PELI2: variants seen among roughly 807,000 people sequenced by gnomAD.
PELI2 encodes the protein E3 ubiquitin-protein ligase pellino homolog 2.
In PELI2, 23 loss-of-function variants were observed where a neutral mutation model predicts 42.3. That is an observed-to-expected ratio of 0.54 (90% confidence interval 0.39 to 0.77). The LOEUF is 0.77. Ranked by LOEUF, PELI2 falls within the 30% of genes least tolerant of loss-of-function variation. The pLI, the probability that PELI2 is intolerant of heterozygous loss-of-function variation, is 0.00. For synonymous variants in PELI2, 245 were observed against 212.2 expected, an observed-to-expected ratio of 1.15 and a Z score of -1.34; for missense variants, 463 against 553.2, an observed-to-expected ratio of 0.84 and a Z score of 1.64.
At chr14:56,126,577 A>G (rs995594970) in intron 1 of PELI2, among the ~76,000 whole-genome samples, 1 of 152,198 alleles carries the variant, frequency 6.6e-6, no homozygotes, top group Admixed American at 6.5e-5. Context: ...GGCTATTGGT[A>G]TAAAACGGCT....
Position 56,295,885 on chromosome 14 carries a change from G to A in PELI2, c.697-715G>A, listed in dbSNP as rs374978357. Among the ~76,000 whole-genome samples the A allele has an allele frequency of 8.5e-5, 13 of 152,242 alleles. No homozygotes were observed. In the East Asian group the frequency reaches 2.5e-3, roughly 29 times the overall value. ...TGAAGAGCAAGTCTCAGCAGGATGG[G>A]GAAGAGGTTTTATTGGCCTTTGGTA... is the stretch of plus-strand genomic sequence containing the variant. On this transcript the variant is annotated intron_variant, in intron 5 of 5. Transcript: ENST00000267460.
chr14:56,266,560 A>T (rs1465617963), intron 2 of PELI2, among the ~76,000 whole-genome samples: 1 of 152,054 alleles, frequency 6.6e-6, no homozygotes, highest in African/African-American at 2.4e-5. Flanking sequence ...ATCAGAAGGT[A>T]AAGATATCTG....
At chr14:56,209,924 A>G (rs936178170) in intron 2 of PELI2, among the ~76,000 whole-genome samples, 10 of 152,246 alleles carry the variant, frequency 6.6e-5, no homozygotes, top group South Asian at 2.1e-4. Flanking sequence ...AATTTGTACC[A>G]GGTGAAAGGA....
At chr14:56,290,728 C>T (rs1423049523) in intron 5 of PELI2, among the ~76,000 whole-genome samples, 1 of 152,110 alleles carries the variant, frequency 6.6e-6, no homozygotes, top group Non-Finnish European at 1.5e-5. Context: ...TACCTCACCA[C>T]AAAAATCTAC....
chr14:56,190,339 G>A (rs998143036), intron 2 of PELI2, among the ~76,000 whole-genome samples: 2 of 152,176 alleles, frequency 1.3e-5, no homozygotes, highest in Admixed American at 1.3e-4. Context: ...TTAAAATGCA[G>A]AAGAATGAGA....
Position 56,288,906 on chromosome 14 carries a change from A to G in PELI2, c.507+272A>G, listed in dbSNP as rs1889732833. On this transcript the variant is annotated intron_variant, in intron 4 of 5. Transcript: ENST00000267460. This position sits in a 1 kb window ranked among gnomAD's most constrained non-coding sequence, Gnocchi z 4.6. ...CTATAACATTGTCCATAATGTATTT[A>G]CGGCAACGAAGAGGTTTATTTCAGA... Among the ~76,000 whole-genome samples, 1 of 152,218 alleles carries G rather than the reference A, an allele frequency of 6.6e-6. No homozygotes were observed. Among genetic ancestry groups the G allele is most frequent in the South Asian group, 2.1e-4 (1 of 4,828 alleles).
intron 5 of PELI2, among the ~76,000 whole-genome samples, chr14:56,295,103 A>G (rs1328812208): frequency 6.6e-6 from 1 of 152,040 alleles, no homozygotes; most frequent in Non-Finnish European, 1.5e-5. Context: ...CTTTCTCTCT[A>G]GTCCCTGTGC....
intron 5 of PELI2, among the ~76,000 whole-genome samples, chr14:56,290,843 G>A (rs1454008126): frequency 6.6e-6 from 1 of 152,122 alleles, no homozygotes; most frequent in African/African-American, 2.4e-5. Flanking sequence ...TATGCATTAA[G>A]GAATTATTTA....
At chr14:56,122,517 C>T (rs1883098094) in intron 1 of PELI2, among the ~76,000 whole-genome samples, 1 of 152,104 alleles carries the variant, frequency 6.6e-6, no homozygotes. Context: ...ACTAATGGCC[C>T]ATGGTGGTTT....
intron 1 of PELI2, among the ~76,000 whole-genome samples, chr14:56,161,147 A>T (rs1003188414): frequency 6.6e-6 from 1 of 152,248 alleles, no homozygotes; most frequent in Non-Finnish European, 1.5e-5. Context: ...TCACACGTGT[A>T]AGACATGCCA....
chr14:56,275,164 G>A (rs1255694814), intron 2 of PELI2, among the ~76,000 whole-genome samples: 1 of 152,176 alleles, frequency 6.6e-6, no homozygotes, highest in Non-Finnish European at 1.5e-5. Flanking sequence ...CTGAACGTGT[G>A]TTCGAGGCAC....
chr14:56,154,758 T>G (rs1884487620), intron 1 of PELI2, among the ~76,000 whole-genome samples: 1 of 152,222 alleles, frequency 6.6e-6, no homozygotes, highest in African/African-American at 2.4e-5. Context: ...TTTGTGTCCT[T>G]AGGATAGACC....
chr14:56,229,207 C>G (rs983363370), intron 2 of PELI2, among the ~76,000 whole-genome samples: 13 of 152,244 alleles, frequency 8.5e-5, no homozygotes, highest in Non-Finnish European at 1.6e-4. Flanking sequence ...CTTTTGCAGA[C>G]TTAAGCATCC....
chr14:56,164,176 G>T (rs1238371833), intron 1 of PELI2, among the ~76,000 whole-genome samples: 1 of 152,030 alleles, frequency 6.6e-6, no homozygotes. Flanking sequence ...CTAGCTGTGG[G>T]TCTGTCATAT....
chr14:56,234,755 A>T (rs10132957), intron 2 of PELI2, among the ~76,000 whole-genome samples: 135,471 of 150,872 alleles, frequency 0.9, 60,906 homozygotes, highest in African/African-American at 0.95. Flanking sequence ...TATTTTTTTT[A>T]AAAAATGTAA....
intron 2 of PELI2, among the ~76,000 whole-genome samples, chr14:56,210,492 A>T (rs921460186): frequency 2.6e-5 from 4 of 152,134 alleles, no homozygotes; most frequent in East Asian, 3.9e-4. Flanking sequence ...TCAGAGGGAA[A>T]ATCCTAGAGA....
At chr14:56,155,845 A>C (rs970561651) in intron 1 of PELI2, among the ~76,000 whole-genome samples, 9 of 152,000 alleles carry the variant, frequency 5.9e-5, no homozygotes, top group Non-Finnish European at 1.2e-4. Context: ...CAGCCTCCTA[A>C]AGTGCTGGGA....
At chr14:56,125,227 G>A (rs1883208395) in intron 1 of PELI2, among the ~76,000 whole-genome samples, 1 of 152,176 alleles carries the variant, frequency 6.6e-6, no homozygotes, top group Non-Finnish European at 1.5e-5. Context: ...TACTGACTGA[G>A]GACCAGCACT....
chr14:56,252,740 A>C (rs189232355), intron 2 of PELI2, among the ~76,000 whole-genome samples: 1 of 152,242 alleles, frequency 6.6e-6, no homozygotes, highest in African/African-American at 2.4e-5. Flanking sequence ...AAAAAAGCCC[A>C]GGACCAGATG....
Sources: allele counts gnomAD v4.1 joint callset (sites outside exome capture counted in the v4.1 genomes callset), GRCh38; gene constraint gnomAD v4.1.1; non-coding constraint Gnocchi (gnomAD v3.1); transcripts MANE v1.5; gene names NCBI Gene and HGNC (gene_info 2026-07-23, HGNC 2026-07-21).